The following USH2A variants were observed in gnomAD, a reference collection of about 807,000 sequenced individuals.
USH2A encodes the protein usherin.
A neutral mutation model predicts 538.9 loss-of-function variants in USH2A; 443 were observed. The observed-to-expected ratio is 0.82, with a 90% CI of 0.76 to 0.89. The LOEUF (loss-of-function observed/expected upper bound fraction) is 0.89. Ranked by LOEUF, USH2A falls within the 40% of genes least tolerant of loss-of-function variation. The pLI, the probability that USH2A is intolerant of heterozygous loss-of-function variation, is 0.00. For missense variants in USH2A, 6,633 were observed against 6,324.8 expected (o/e 1.05, Z -1.65); for synonymous variants, 2,413 against 2,273.5 (o/e 1.06, Z -1.75).
chr1:215,634,982 G>A (rs2102630975), intron 69 of USH2A, among the ~76,000 whole-genome samples: 1 of 152,270 alleles, frequency 6.6e-6, no homozygotes, highest in African/African-American at 2.4e-5. Flanking sequence ...TGGGAAAGAT[G>A]GGAGTGTGGG....
chr1:216,394,443 G>C (rs899941837), intron 3 of USH2A, among the ~76,000 whole-genome samples: 1 of 152,106 alleles, frequency 6.6e-6, no homozygotes, highest in African/African-American at 2.4e-5. Flanking sequence ...CTGTGTATTG[G>C]TTGGATGGTG....
At chr1:215,733,758 A>T (rs73088846) in intron 60 of USH2A, among the ~76,000 whole-genome samples, 6,180 of 152,278 alleles carry the variant, frequency 0.041, 380 homozygotes, top group African/African-American at 0.13. Context: ...AAGCTCCAAA[A>T]TAGTCTCCAT....
chr1:216,043,324 C>G (rs2030370291), intron 32 of USH2A, among the ~76,000 whole-genome samples: 1 of 151,982 alleles, frequency 6.6e-6, no homozygotes, highest in African/African-American at 2.4e-5. Context: ...TATTTCCCCT[C>G]CTTGACCAGC....
chr1:215,782,342 G>A, intron 53 of USH2A, 146 bp from the exon 54 acceptor site: 1 of 852,224 alleles, frequency 1.2e-6, no homozygotes, highest in East Asian at 2.7e-5. Flanking sequence ...GTCTCAAGCA[G>A]TTCCTAATTA....
chr1:215,693,116 G>GTGTGTATA (rs112153911), intron 61 of USH2A, among the ~76,000 whole-genome samples: 9 of 133,516 alleles, frequency 6.7e-5, no homozygotes, highest in Non-Finnish European at 1.4e-4. Flanking sequence ...GTGTGTATGT[G>GTGTGTATA]TATATATATA....
At chr1:216,239,189 A>G (rs961676723) in intron 13 of USH2A, among the ~76,000 whole-genome samples, 6 of 152,194 alleles carry the variant, frequency 3.9e-5, no homozygotes, top group African/African-American at 1.4e-4. Flanking sequence ...ACCCCAAAGC[A>G]CACATTGCTC....
intron 35 of USH2A, among the ~76,000 whole-genome samples, chr1:215,976,742 G>T (rs542926894): frequency 1.3e-5 from 2 of 152,246 alleles, no homozygotes; most frequent in South Asian, 4.1e-4. Context: ...CTGTGCTGTT[G>T]AATTTGGTTT....
rs1261273177 is a variant in USH2A, at chr1:216,254,757, T to A, written c.1972-3659A>T. On this transcript the variant is annotated intron_variant, in intron 11 of 71. Transcript: ENST00000307340. ...GAGGTCTTCCTATCTAACTGCTGCTTGACCAGCTAGCTAATCACAGACAAA... is the reference window on the plus strand; with the variant it reads ...GAGGTCTTCCTATCTAACTGCTGCTAGACCAGCTAGCTAATCACAGACAAA... Among the ~76,000 whole-genome samples, 8 of 152,272 alleles carry A rather than the reference T, an allele frequency of 5.3e-5. No homozygotes were observed. In the East Asian group the frequency reaches 1.4e-3, roughly 26 times the overall value.
At chr1:216,275,479 TA>T (rs1480152806) in intron 11 of USH2A, among the ~76,000 whole-genome samples, 1 of 152,142 alleles carries the variant, frequency 6.6e-6, no homozygotes, top group Admixed American at 6.6e-5. Flanking sequence ...CTATCTGTTT[TA>T]TTTTAGTACA....
At chr1:216,158,375 A>G (rs561608846) in intron 21 of USH2A, among the ~76,000 whole-genome samples, 43 of 152,146 alleles carry the variant, frequency 2.8e-4, no homozygotes, top group African/African-American at 9.9e-4. Context: ...AACTGGGACT[A>G]CAGGTGCCTC....
intron 64 of USH2A, among the ~76,000 whole-genome samples, chr1:215,661,491 C>T (rs1657433964): frequency 6.6e-6 from 1 of 152,164 alleles, no homozygotes. Flanking sequence ...CTTATTGATT[C>T]TCTTAATTCT....
rs144543286 is a variant in USH2A, at chr1:215,674,434, G to A, written c.13477C>T (p.Arg4493Cys). 101 of 1,613,996 alleles carry A rather than the reference G, an allele frequency of 6.3e-5. No homozygotes were observed. Among genetic ancestry groups the A allele is most frequent in the African/African-American group, 3.3e-4 (25 of 74,910 alleles). ...GTIVYTGLET[R>C]YRDFTLTPGV... ...GGGGTGAGAGTAAAATCACGATAGC[G>A]TGTTTCCAAGCCTGTATATACAATG... Residue 4493 changes from arginine to cysteine, a missense_variant, in exon 63 of 72, where the codon CGC becomes TGC. Physicochemically the swap from Arg to Cys is radical, Grantham distance 180. Coordinates refer to ENST00000307340, the MANE Select transcript of USH2A (RefSeq NM_206933.4).
chr1:216,252,135 A>G (rs1002901952), intron 11 of USH2A, among the ~76,000 whole-genome samples: 9 of 152,380 alleles, frequency 5.9e-5, no homozygotes, highest in East Asian at 5.8e-4. Flanking sequence ...ATGCAAATAC[A>G]TAAAATACAG....
At chr1:216,148,476 ATCATGCACCCCTTACCATC>A (rs1312251134) in intron 21 of USH2A, among the ~76,000 whole-genome samples, 1 of 151,882 alleles carries the variant, frequency 6.6e-6, no homozygotes, top group Non-Finnish European at 1.5e-5. Context: ...TTGGTGACCG[ATCATGCACCCCTTACCATC>A]TCATTAAAAC....
intron 64 of USH2A, among the ~76,000 whole-genome samples, chr1:215,656,875 C>T (rs1657271314): frequency 6.6e-6 from 1 of 152,160 alleles, no homozygotes; most frequent in African/African-American, 2.4e-5. Context: ...TAACAATTCA[C>T]ATCAGAAATA....
intron 21 of USH2A, among the ~76,000 whole-genome samples, chr1:216,150,312 G>A (rs1262227165): frequency 4.6e-5 from 7 of 151,804 alleles, no homozygotes. Context: ...TGCTGGCAAG[G>A]CACCCTCCAA....
chr1:215,916,620 C>T (rs1558160122), intron 38 of USH2A, among the ~76,000 whole-genome samples: 1 of 151,938 alleles, frequency 6.6e-6, no homozygotes, highest in Non-Finnish European at 1.5e-5. Context: ...AATTATTCTT[C>T]ATGAAATGAA....
At chr1:216,332,734 C>A in intron 4 of USH2A, among the ~76,000 whole-genome samples, 1 of 152,082 alleles carries the variant, frequency 6.6e-6, no homozygotes, top group Non-Finnish European at 1.5e-5. Context: ...GATGAGCAAA[C>A]AATGACTTCA....
At chr1:216,133,667 C>T (rs969967458) in intron 21 of USH2A, among the ~76,000 whole-genome samples, 3 of 152,040 alleles carry the variant, frequency 2.0e-5, no homozygotes, top group Non-Finnish European at 4.4e-5. Flanking sequence ...GCTCCACAAA[C>T]CCATTATGTC....
Sources: allele counts gnomAD v4.1 joint callset (sites outside exome capture counted in the v4.1 genomes callset), GRCh38; gene constraint gnomAD v4.1.1; transcripts MANE v1.5; gene names NCBI Gene and HGNC (gene_info 2026-07-23, HGNC 2026-07-21).